LAMA1: variants seen among roughly 807,000 people sequenced by gnomAD.
The protein encoded by LAMA1 is laminin subunit alpha 1.
In LAMA1, 219 loss-of-function variants were observed where a neutral mutation model predicts 348.7. That is an observed-to-expected ratio of 0.63 (90% CI 0.56 to 0.70). The LOEUF (loss-of-function observed/expected upper bound fraction) is 0.70, where lower values mean the gene tolerates loss of function less well. Ranked by LOEUF, LAMA1 falls within the 30% of genes least tolerant of loss-of-function variation. LAMA1 has a pLI of 0.00. For synonymous variants in LAMA1, 1,487 were observed against 1,491.0 expected, an observed-to-expected ratio of 1.00 and a Z score of 0.06; for missense variants, 3,744 against 3,888.0, an observed-to-expected ratio of 0.96 and a Z score of 0.99.
chr18:7,054,517 G>A (rs960239803), intron 3 of LAMA1, among the ~76,000 whole-genome samples: 2 of 152,206 alleles, frequency 1.3e-5, no homozygotes, highest in Admixed American at 6.5e-5. Flanking sequence ...GCTACTGACT[G>A]CAGACTTCCT....
intron 36 of LAMA1, among the ~76,000 whole-genome samples, chr18:6,987,070 T>C (rs2057738757): frequency 6.6e-6 from 1 of 152,242 alleles, no homozygotes; most frequent in African/African-American, 2.4e-5. Context: ...AAAGCTTTAC[T>C]TCTTTTATCA....
Position 7,036,029 on chromosome 18 carries a change from C to A in LAMA1, c.1797G>T (p.Thr599=). The change falls in exon 13 of 63, where the codon ACG becomes ACT. Residue 599 remains threonine (T), a synonymous_variant. Transcript: ENST00000389658. The part of the protein sequence containing the change: ...YTVSYDIPVE[T]VDSNLMSHAD... Reference sequence around the variant, plus strand: ...CATGCGACATGAGGTTACTGTCTACCGTCTCTACCGGAATATCGTAGGACA... The same window carrying A: ...CATGCGACATGAGGTTACTGTCTACAGTCTCTACCGGAATATCGTAGGACA... The A allele has an allele frequency of 6.2e-7, 1 of 1,614,194 alleles. No homozygotes were observed. The highest frequency in any genetic ancestry group is 8.5e-7 in the Non-Finnish European group (1 of 1,180,014).
intron 34 of LAMA1, 121 bp downstream of exon 34, chr18:6,995,236 C>T: frequency 5.3e-6 from 4 of 761,450 alleles, no homozygotes; most frequent in Middle Eastern, 2.9e-4. Context: ...GAGCACAGCT[C>T]GTGGGAGGAA....
intron 57 of LAMA1, among the ~76,000 whole-genome samples, chr18:6,951,234 C>T (rs2057545309): frequency 6.6e-6 from 1 of 152,136 alleles, no homozygotes; most frequent in South Asian, 2.1e-4. Context: ...AATACAGAAA[C>T]ACATCAGACA....
chr18:7,095,982 C>T (rs1268188630), intron 1 of LAMA1, among the ~76,000 whole-genome samples: 3 of 152,192 alleles, frequency 2.0e-5, no homozygotes, highest in Non-Finnish European at 4.4e-5. Flanking sequence ...GCAGGGGAAT[C>T]GCTTGAACCT....
Position 7,011,999 on chromosome 18 carries a change from G to T in LAMA1, c.3503C>A (p.Thr1168Asn). The T allele has an allele frequency of 6.2e-7, 1 of 1,604,662 alleles. No individual in the cohort carries two copies. The highest frequency in any genetic ancestry group is 8.5e-7 in the Non-Finnish European group (1 of 1,175,002). Residue 1168 changes from threonine (T) to asparagine (N), a missense_variant, in exon 24 of 63, where the codon ACC becomes AAC. Thr to Asn is a moderately conservative substitution (Grantham distance 65, BLOSUM62 0). Transcript: ENST00000389658. ...LCSELEDYVR[T>N]PVTLGSDQPL... Reference sequence around the variant, plus strand: ...CTTTCGCTGTGTGTGACTTACTGGGGTCCTCACGTAGTCCTCCAGCTCTGA... The same window carrying T: ...CTTTCGCTGTGTGTGACTTACTGGGTTCCTCACGTAGTCCTCCAGCTCTGA...
chr18:6,945,633 G>A lies in LAMA1; in HGVS notation c.8844+1530C>T, dbSNP rs114697134. Among the ~76,000 whole-genome samples the A allele has an allele frequency of 9.9e-3, 1,507 of 152,272 alleles. 30 individuals carry two copies. Among genetic ancestry groups the A allele is most frequent in the African/African-American group, 0.033 (1,374 of 41,548 alleles). ...AGAGGACCAGAGAGACACCATCCCT[G>A]ATTCCCCATGGCCTCTGTGTGGCTT... On this transcript the variant is annotated intron_variant, in intron 61 of 62. Transcript: ENST00000389658.
rs779743048 is a variant in LAMA1 at position 6,961,743 on chromosome 18, C to T, written c.7469G>A (p.Ser2490Asn). The change falls in exon 53 of 63, where the codon AGC becomes AAC. Residue 2490 changes from serine (S) to asparagine (N), a missense_variant. Physicochemically the swap from Ser to Asn is conservative, Grantham distance 46. Coordinates refer to ENST00000389658, the MANE Select transcript of LAMA1 (RefSeq NM_005559.4). ...GCLLEPIRSV[S>N]FLKGGYIELP... ...TTCAATGTAGCCGCCTTTCAGGAAG[C>T]TAACACTCCGGATGGGCTGGACACA... 1 of 1,614,122 alleles carries T rather than the reference C, an allele frequency of 6.2e-7. No individual in the cohort carries two copies. The highest frequency in any genetic ancestry group is 1.3e-5 in the African/African-American group (1 of 75,028).
intron 1 of LAMA1, among the ~76,000 whole-genome samples, chr18:7,098,858 C>A (rs1164348346): frequency 7.4e-6 from 1 of 134,310 alleles, no homozygotes; most frequent in Non-Finnish European, 1.6e-5. Flanking sequence ...GGGTCAGCCC[C>A]CCGCCCGGCC....
At chr18:6,956,599 A>C (rs566621065) in intron 56 of LAMA1, 37 bp downstream of exon 56, 1 of 1,613,512 alleles carries the variant, frequency 6.2e-7, no homozygotes, top group African/African-American at 1.3e-5. Context: ...TCCTTTGCTG[A>C]CTGGACCTGA....
chr18:7,109,470 A>G (rs2143833840), intron 1 of LAMA1, among the ~76,000 whole-genome samples: 1 of 152,332 alleles, frequency 6.6e-6, no homozygotes, highest in Non-Finnish European at 1.5e-5. Context: ...ACTCCAATTT[A>G]TCACAAAATA....
rs775774243 is a variant in LAMA1, at chr18:6,959,368, T to C, written c.7751A>G (p.His2584Arg). Reference sequence around the variant, plus strand: ...CCGATTCCTGACCAAGGAGATGGAATGCGCTTGTCCATCACTGCAGGTACC... The same window carrying C: ...CCGATTCCTGACCAAGGAGATGGAACGCGCTTGTCCATCACTGCAGGTACC... Reference protein sequence around the residue: ...PTGTCSDGQAHSISLVRNRRI... With the variant: ...PTGTCSDGQARSISLVRNRRI... Residue 2584 changes from histidine to arginine, a missense_variant, in exon 54 of 63, where the codon CAT becomes CGT. Physicochemically the swap from His to Arg is conservative, Grantham distance 29. Transcript: ENST00000389658. The C allele has an allele frequency of 1.2e-6, 2 of 1,614,140 alleles. No homozygotes were observed. The highest frequency in any genetic ancestry group is 2.2e-5 in the East Asian group (1 of 44,874).
At chr18:7,019,359 TC>T (rs1311860577) in intron 19 of LAMA1, among the ~76,000 whole-genome samples, 1 of 152,112 alleles carries the variant, frequency 6.6e-6, no homozygotes, top group Non-Finnish European at 1.5e-5. Context: ...CTCTTGTTTC[TC>T]GTGTGTCTCC....
chr18:6,949,701 C>T (rs1301739905), intron 58 of LAMA1, among the ~76,000 whole-genome samples: 4 of 152,114 alleles, frequency 2.6e-5, no homozygotes, highest in South Asian at 2.1e-4. Flanking sequence ...AGTCCCTTCC[C>T]GAAATGGGAG....
At chr18:7,097,801 T>C (rs1347606503) in intron 1 of LAMA1, among the ~76,000 whole-genome samples, 1 of 152,142 alleles carries the variant, frequency 6.6e-6, no homozygotes, top group Non-Finnish European at 1.5e-5. Context: ...TGGATATCTA[T>C]ATGCAAAAAA....
At chr18:7,095,065 GTTT>G (rs779909400) in intron 1 of LAMA1, among the ~76,000 whole-genome samples, 1 of 114,704 alleles carries the variant, frequency 8.7e-6, no homozygotes. Flanking sequence ...TCCCTTGACT[GTTT>G]TTTTTTTTTT....
intron 9 of LAMA1, 38 bp from the exon 10 acceptor site, chr18:7,040,274 C>A (rs755247445): frequency 5.0e-6 from 8 of 1,610,518 alleles, no homozygotes; most frequent in Admixed American, 3.3e-5. Flanking sequence ...AACATGAAGG[C>A]AAAAGAGGTT....
intron 22 of LAMA1, among the ~76,000 whole-genome samples, chr18:7,015,181 C>G (rs1175988274): frequency 1.3e-5 from 2 of 152,226 alleles, no homozygotes; most frequent in African/African-American, 4.8e-5. Context: ...AATGCAACAA[C>G]TAGGTTCTTG....
intron 1 of LAMA1, among the ~76,000 whole-genome samples, chr18:7,105,407 C>T (rs1028358649): frequency 1.2e-4 from 18 of 151,660 alleles, no homozygotes; most frequent in Admixed American, 5.3e-4. Flanking sequence ...CCTCTGCACT[C>T]GAGCCTCGGC....
Sources: gnomAD v4.1 joint callset for allele counts (sites outside exome capture counted in the v4.1 genomes callset) on GRCh38, gnomAD v4.1.1 for gene constraint, MANE v1.5 for transcripts, NCBI Gene and HGNC (gene_info 2026-07-23, HGNC 2026-07-21) for gene names.